CTBP1: variants seen among roughly 807,000 people sequenced by gnomAD.
CTBP1 encodes C-terminal binding protein 1.
CTBP1 carries 11 observed loss-of-function variants against 42.1 expected under a neutral mutation model. The ratio of observed to expected loss-of-function variants is 0.26; its 90% CI spans 0.16 to 0.43. CTBP1 has a LOEUF of 0.43. Among genes scored for constraint, CTBP1 ranks in the 20% least tolerant of loss-of-function variants. The pLI, the probability that CTBP1 is intolerant of heterozygous loss-of-function variation, is 1.00. For missense variants in CTBP1, 399 were observed against 624.3 expected, an observed-to-expected ratio of 0.64 and a Z score of 3.85; for synonymous variants, 324 against 277.1, an observed-to-expected ratio of 1.17 and a Z score of -1.68.
In CTBP1 at chr4:1,212,363, G is replaced by A. The variant is rs751079248; in HGVS notation, c.1167C>T (p.Ile389=). ...PTGIPAAVEG[I]VPSAMSLSHG... ...GGGACAGGGACATGGCGCTGGGGAC[G>A]ATACCTTCCACAGCAGCTGGGATGC... Residue 389 remains isoleucine, a synonymous_variant, in exon 10 of 10, where the codon ATC becomes ATT. Coordinates refer to ENST00000382952, the MANE Select transcript of CTBP1 (RefSeq NM_001012614.2). The A allele has an allele frequency of 1.6e-5, 24 of 1,506,794 alleles. No homozygotes were observed. Among genetic ancestry groups the A allele is most frequent in the East Asian group, 1.1e-4 (4 of 38,046 alleles). 93.3% of individuals were successfully genotyped at this position (1,506,794 alleles called of 1,614,324 possible). A position where few individuals can be genotyped will look rare whatever the true frequency, so the allele number is the denominator to read the frequency against.
upstream of CTBP1, chr4:1,249,503 A>AGCCGCT (rs1203148345): frequency 6.1e-6 from 1 of 165,142 alleles, no homozygotes; most frequent in East Asian, 1.8e-4. Context: ...CCGCAGCCGC[A>AGCCGCT]GCCGCCCCGC....
At chr4:1,223,609 T>G in intron 5 of CTBP1, 1 of 410,012 alleles carries the variant, frequency 2.4e-6, no homozygotes, top group South Asian at 1.7e-5. Flanking sequence ...GAACCCGCGA[T>G]CTGGGGAGAC....
intron 1 of CTBP1, among the ~76,000 whole-genome samples, chr4:1,247,083 T>A (rs764860511): frequency 1.3e-5 from 2 of 152,092 alleles, no homozygotes; most frequent in African/African-American, 2.4e-5. Context: ...GCCAAGCCTC[T>A]CCTCCCCCAC....
chr4:1,214,514 G>A (rs755920008), intron 6 of CTBP1, 41 bp from the exon 7 acceptor site: 35 of 1,529,132 alleles, frequency 2.3e-5, no homozygotes, highest in Admixed American at 4.7e-5. Flanking sequence ...TCAGGGATCC[G>A]CACAGGGCGG....
chr4:1,247,630 A>G (rs898100528), intron 1 of CTBP1, among the ~76,000 whole-genome samples: 1 of 152,176 alleles, frequency 6.6e-6, no homozygotes. Context: ...GCAGACGGGT[A>G]CACAGACGCG....
rs765187635 is a variant in CTBP1 at position 1,228,211 on chromosome 4, C to A, written c.295G>T (p.Ala99Ser). The A allele has an allele frequency of 1.2e-6, 2 of 1,614,146 alleles. No individual in the cohort carries two copies. Among genetic ancestry groups the A allele is most frequent in the East Asian group, 2.2e-5 (1 of 44,886 alleles). Residue 99 changes from alanine (A) to serine (S), a missense_variant, in exon 4 of 10, where the codon GCC becomes TCC. By Grantham distance (99) the Ala-to-Ser change is moderately conservative. Coordinates refer to ENST00000382952, the MANE Select transcript of CTBP1 (RefSeq NM_001012614.2). ...SGFDNIDIKS[A>S]GDLGIAVCNV... The stretch of plus-strand genomic sequence containing the variant: ...GGAGCCGGCCTACCTAAATCCCCGG[C>A]CGACTTGATGTCGATGTTGTCAAAA...
chr4:1,245,146 G>A, intron 1 of CTBP1: 1 of 985,438 alleles, frequency 1.0e-6, no homozygotes, highest in Non-Finnish European at 1.2e-6. Flanking sequence ...TCATCCACGA[G>A]CCGATACGGC....
At chr4:1,212,466 C>A in intron 9 of CTBP1, 43 bp from the exon 10 acceptor site, 4 of 1,390,396 alleles carry the variant, frequency 2.9e-6, no homozygotes, top group Non-Finnish European at 3.7e-6. Flanking sequence ...CTGTAGGCGG[C>A]CTGGCCAGGC....
At chr4:1,217,091 G>C (rs535660346) in intron 5 of CTBP1, 5 of 152,480 alleles carry the variant, frequency 3.3e-5, no homozygotes, top group Non-Finnish European at 7.3e-5. Context: ...GACAGGAAGG[G>C]AGCCAGAGAG....
chr4:1,212,986 G>A lies in CTBP1; in HGVS notation c.1033C>T (p.Leu345=). Reference sequence around the variant, plus strand: ...CTGGCCCAGTGGGTGGCGGCTGTCAGATGGTCCTTGTTGACACAGTTCTTC... The same window carrying A: ...CTGGCCCAGTGGGTGGCGGCTGTCAAATGGTCCTTGTTGACACAGTTCTTC... ...SLKNCVNKDH[L]TAATHWASMD... is the part of the protein sequence containing the mutation. The change falls in exon 9 of 10, where the codon CTG becomes TTG. Residue 345 remains leucine (L), a synonymous_variant. Coordinates refer to ENST00000382952, the MANE Select transcript of CTBP1 (RefSeq NM_001012614.2). The A allele has an allele frequency of 6.2e-7, 1 of 1,613,954 alleles. No individual in the cohort carries two copies. The highest frequency in any genetic ancestry group is 8.5e-7 in the Non-Finnish European group (1 of 1,179,994).
Position 1,230,359 on chromosome 4 carries a change from G to A in CTBP1, c.163-2016C>T, listed in dbSNP as rs190842750. On this transcript the variant is annotated intron_variant, in intron 3 of 9. Transcript: ENST00000382952. ...AGATGGGCGCCCACACACCAAGGAG[G>A]TGCTTCGGGCAGCCTGGCAAAGCAG... Among the ~76,000 whole-genome samples the A allele has an allele frequency of 4.2e-3, 645 of 152,302 alleles. 3 individuals carry two copies. The highest frequency in any genetic ancestry group is 0.014 in the African/African-American group (591 of 41,570).
At chr4:1,220,724 G>C (rs77735002) in intron 5 of CTBP1, among the ~76,000 whole-genome samples, 2 of 152,244 alleles carry the variant, frequency 1.3e-5, no homozygotes, top group Admixed American at 6.5e-5. Context: ...TTCCACAGAG[G>C]AGCCAAGCCA....
At chr4:1,237,014 G>A (rs1731586275) in intron 3 of CTBP1, 3 of 672,038 alleles carry the variant, frequency 4.5e-6, no homozygotes, top group Non-Finnish European at 8.1e-6. Context: ...TGGGGCACAG[G>A]GCAAACCCAG....
chr4:1,246,160 G>C (rs1469568989), intron 1 of CTBP1, among the ~76,000 whole-genome samples: 2 of 152,208 alleles, frequency 1.3e-5, no homozygotes, highest in African/African-American at 4.8e-5. Context: ...GGGGAGAGCA[G>C]TGGGCTCCGG....
chr4:1,236,477 G>A (rs1384840997), intron 3 of CTBP1: 2 of 588,702 alleles, frequency 3.4e-6, no homozygotes, highest in Non-Finnish European at 6.1e-6. Flanking sequence ...GGCATCCCGA[G>A]GACCTGCTCT....
At chr4:1,243,338 T>G in intron 1 of CTBP1, 2 of 985,390 alleles carry the variant, frequency 2.0e-6, no homozygotes, top group Non-Finnish European at 2.4e-6. Flanking sequence ...GCTCCCGAGC[T>G]GAGGAACCTG....
At chr4:1,242,197 G>A in intron 1 of CTBP1, 1 of 985,426 alleles carries the variant, frequency 1.0e-6, no homozygotes, top group Non-Finnish European at 1.2e-6. Flanking sequence ...CACAGGGGCA[G>A]GGGGCCCCTG....
At chr4:1,236,273 G>A (rs557049301) in intron 3 of CTBP1, 66 of 249,674 alleles carry the variant, frequency 2.6e-4, no homozygotes, top group Admixed American at 2.2e-3. Context: ...ACAAGTAGAA[G>A]CCAGACCAAC....
chr4:1,237,482 T>C (rs1731657421), intron 3 of CTBP1: 1 of 682,176 alleles, frequency 1.5e-6, no homozygotes, highest in South Asian at 1.5e-5. Context: ...CACCTCCTGA[T>C]GGTGTGCAGG....
Sources: allele counts gnomAD v4.1 joint callset (sites outside exome capture counted in the v4.1 genomes callset), GRCh38; gene constraint gnomAD v4.1.1; transcripts MANE v1.5; gene names NCBI Gene and HGNC (gene_info 2026-07-23, HGNC 2026-07-21).